Variants in RBFOX1 observed in about 807,000 individuals in gnomAD.
RBFOX1 encodes the protein RNA binding fox-1 homolog 1.
RBFOX1 carries 8 observed loss-of-function variants against 57.7 expected under a neutral mutation model. That is an observed-to-expected ratio of 0.14 (90% CI 0.08 to 0.25). RBFOX1 has a LOEUF of 0.25. RBFOX1 is among the 10% of genes least tolerant of loss of function. RBFOX1 has a pLI of 1.00. For synonymous variants in RBFOX1, 326 were observed against 222.4 expected (o/e 1.47, Z -4.15); for missense variants, 611 against 548.5 (o/e 1.11, Z -1.14).
intron 4 of RBFOX1, among the ~76,000 whole-genome samples, chr16:7,218,910 A>G (rs536701877): frequency 4.6e-5 from 7 of 151,992 alleles, no homozygotes; most frequent in African/African-American, 1.5e-4. Flanking sequence ...GTTCAGCACA[A>G]TCTTCTCTCT....
intron 4 of RBFOX1, among the ~76,000 whole-genome samples, chr16:7,493,549 G>A (rs1344606738): frequency 6.6e-6 from 1 of 152,070 alleles, no homozygotes; most frequent in Non-Finnish European, 1.5e-5. Context: ...AATCACAACA[G>A]TACTTACAAG....
At chr16:7,212,251 A>C (rs777070396) in intron 4 of RBFOX1, among the ~76,000 whole-genome samples, 1 of 152,144 alleles carries the variant, frequency 6.6e-6, no homozygotes, top group Non-Finnish European at 1.5e-5. Flanking sequence ...ACAAGCTACT[A>C]AATTTTGCCA....
At chr16:6,733,729 G>A (rs559857686) in intron 3 of RBFOX1, among the ~76,000 whole-genome samples, 4 of 152,052 alleles carry the variant, frequency 2.6e-5, no homozygotes, top group African/African-American at 4.8e-5. Context: ...CTGCACTCCA[G>A]CCCGGGCGAA....
At chr16:6,666,769 C>G (rs1288392393) in intron 3 of RBFOX1, among the ~76,000 whole-genome samples, 5 of 152,092 alleles carry the variant, frequency 3.3e-5, no homozygotes, top group Admixed American at 3.3e-4. Context: ...CAACAAAACC[C>G]TCCACATAAC....
intron 1 of RBFOX1, among the ~76,000 whole-genome samples, chr16:6,031,145 T>G (rs1446961426): frequency 6.6e-6 from 1 of 152,156 alleles, no homozygotes; most frequent in Non-Finnish European, 1.5e-5. Flanking sequence ...GGAGAGGTAT[T>G]GGGCCACATT....
At chr16:5,652,424 A>T (rs1465089836) in intron 3 of RBFOX1, among the ~76,000 whole-genome samples, 1 of 152,148 alleles carries the variant, frequency 6.6e-6, no homozygotes, top group Admixed American at 6.5e-5. Context: ...TCCTACCTTG[A>T]TGGCATAGTT....
rs779270470 is a variant in RBFOX1, at chr16:7,205,408, C to T, written c.27+153310C>T. ...TGGTGCTCTCCTGTAATCCCAGCTACTCGGGAGGCTAAGGCAGGAGAATGG... is the reference window on the plus strand; with the variant it reads ...TGGTGCTCTCCTGTAATCCCAGCTATTCGGGAGGCTAAGGCAGGAGAATGG... On this transcript the variant is annotated intron_variant, in intron 4 of 15. Transcript: ENST00000550418. 4.6e-5 allele frequency among the ~76,000 whole-genome samples: 7 copies of T among 151,502 alleles called. No individual in the cohort carries two copies. The South Asian group carries it at 1.0e-3, about 23-fold the overall frequency.
intron 3 of RBFOX1, among the ~76,000 whole-genome samples, chr16:6,692,799 C>A (rs1245323939): frequency 2.0e-5 from 3 of 152,080 alleles, no homozygotes; most frequent in Admixed American, 6.6e-5. Flanking sequence ...TTGTCACTAT[C>A]AGTACTATCA....
chr16:5,308,365 C>T (rs1479650269), intron 1 of RBFOX1, among the ~76,000 whole-genome samples: 2 of 151,902 alleles, frequency 1.3e-5, no homozygotes, highest in Non-Finnish European at 1.5e-5. Context: ...TCACTTTCTG[C>T]CTTTGTCCGC....
intron 2 of RBFOX1, among the ~76,000 whole-genome samples, chr16:6,548,947 C>A (rs566272278): frequency 2.9e-4 from 44 of 150,600 alleles, no homozygotes; most frequent in Admixed American, 9.3e-4. Flanking sequence ...ATGGTGGCGG[C>A]GCCTGTAATC....
intron 2 of RBFOX1, among the ~76,000 whole-genome samples, chr16:5,514,442 A>G (rs945166373): frequency 6.6e-6 from 1 of 152,160 alleles, no homozygotes; most frequent in African/African-American, 2.4e-5. Context: ...CTTCTCCTGG[A>G]CAAACCTCAT....
intron 2 of RBFOX1, among the ~76,000 whole-genome samples, chr16:6,529,863 C>T (rs1471536402): frequency 1.3e-5 from 2 of 152,086 alleles, no homozygotes; most frequent in Admixed American, 1.3e-4. Flanking sequence ...ACAGAGTCAG[C>T]TCAGTGAGAT....
intron 4 of RBFOX1, among the ~76,000 whole-genome samples, chr16:7,271,559 A>G (rs552141941): frequency 6.6e-6 from 1 of 152,278 alleles, no homozygotes; most frequent in South Asian, 2.1e-4. Context: ...TATAATAACT[A>G]GAAGCTCGAT....
intron 4 of RBFOX1, among the ~76,000 whole-genome samples, chr16:7,215,282 C>T (rs941719008): frequency 2.2e-4 from 34 of 152,088 alleles, no homozygotes; most frequent in African/African-American, 8.0e-4. Context: ...GATCTAGAAC[C>T]AGAAATACCA....
chr16:7,575,057 G>T (rs185872786), intron 5 of RBFOX1, among the ~76,000 whole-genome samples: 86 of 151,698 alleles, frequency 5.7e-4, no homozygotes, highest in Non-Finnish European at 1.1e-3. Context: ...ATTTGGGGGG[G>T]GCTGTGGGGG....
intron 4 of RBFOX1, among the ~76,000 whole-genome samples, chr16:7,131,007 A>C (rs1268864692): frequency 6.6e-6 from 1 of 152,186 alleles, no homozygotes; most frequent in Non-Finnish European, 1.5e-5. Context: ...GGTATCTTAA[A>C]AGTTAGAAAT....
chr16:5,408,023 G>A (rs535783869), intron 1 of RBFOX1, among the ~76,000 whole-genome samples: 120 of 152,238 alleles, frequency 7.9e-4, no homozygotes, highest in Non-Finnish European at 1.3e-3. Flanking sequence ...CACCTCCTGT[G>A]TGGCCCCTGC....
intron 4 of RBFOX1, among the ~76,000 whole-genome samples, chr16:7,187,899 A>G (rs933264798): frequency 2.0e-5 from 3 of 152,136 alleles, no homozygotes; most frequent in East Asian, 1.9e-4. Flanking sequence ...TGTATTGTCA[A>G]GTGAACAAAG....
intron 1 of RBFOX1, among the ~76,000 whole-genome samples, chr16:6,231,216 T>TTGTGTGTG (rs530803836): frequency 1.1e-4 from 16 of 145,138 alleles, no homozygotes; most frequent in African/African-American, 2.5e-4. Flanking sequence ...GTGTATGTGT[T>TTGTGTGTG]TGTGTGTGTG....
Sources: allele counts gnomAD v4.1 joint callset (sites outside exome capture counted in the v4.1 genomes callset), GRCh38; gene constraint gnomAD v4.1.1; transcripts MANE v1.5; gene names NCBI Gene and HGNC (gene_info 2026-07-23, HGNC 2026-07-21).